Variants in GALNT13 observed in about 807,000 individuals in gnomAD.
The protein encoded by GALNT13 is UDP-GalNAc:polypeptide N-acetylgalactosaminyltransferase 13.
A neutral mutation model predicts 64.2 loss-of-function variants in GALNT13; 28 were observed. The observed-to-expected ratio is 0.44, with a 90% CI of 0.32 to 0.60. GALNT13 has a LOEUF of 0.60. Ranked by LOEUF, GALNT13 falls within the 20% of genes least tolerant of loss-of-function variation. The probability of loss-of-function intolerance (pLI) is 0.05; values close to 1 mark genes in which losing one functional copy is unlikely to be tolerated. For missense variants in GALNT13, 577 were observed against 669.8 expected (o/e 0.86, Z 1.53); for synonymous variants, 214 against 224.6 (o/e 0.95, Z 0.42).
At chr2:153,985,753 C>G (rs1320770659) in intron 3 of GALNT13, among the ~76,000 whole-genome samples, 1 of 151,974 alleles carries the variant, frequency 6.6e-6, no homozygotes, top group East Asian at 1.9e-4. Context: ...AAAACATGTC[C>G]TGACTGAAGG....
chr2:153,084,632 T>C, the GALNT13 span, among the ~76,000 whole-genome samples: 1 of 152,220 alleles, frequency 6.6e-6, no homozygotes, highest in African/African-American at 2.4e-5. Context: ...CTGATGGCTT[T>C]ATAAATGGGA....
intron 7 of GALNT13, among the ~76,000 whole-genome samples, chr2:154,254,685 G>C (rs2105894343): frequency 6.6e-6 from 1 of 152,298 alleles, no homozygotes; most frequent in Admixed American, 6.5e-5. Flanking sequence ...CATTAAAAGA[G>C]AGACAGATAA....
chr2:153,124,591 C>A, the GALNT13 span, among the ~76,000 whole-genome samples: 6 of 152,126 alleles, frequency 3.9e-5, no homozygotes, highest in African/African-American at 1.4e-4. Context: ...CTGCAACCTC[C>A]ACCTCCTGGG....
At chr2:154,331,511 G>T (rs886499592) in intron 9 of GALNT13, among the ~76,000 whole-genome samples, 1 of 151,708 alleles carries the variant, frequency 6.6e-6, no homozygotes, top group Non-Finnish European at 1.5e-5. Flanking sequence ...TCGCCATGTT[G>T]CTCAGGCTGG....
intron 3 of GALNT13, among the ~76,000 whole-genome samples, chr2:154,059,386 G>A (rs1163089382): frequency 6.6e-6 from 1 of 152,202 alleles, no homozygotes; most frequent in East Asian, 1.9e-4. Flanking sequence ...ATGGCTGCAA[G>A]GAGCGTGATA....
the GALNT13 span, among the ~76,000 whole-genome samples, chr2:153,849,547 GAAAC>G: frequency 3.3e-5 from 5 of 152,144 alleles, no homozygotes; most frequent in Non-Finnish European, 7.4e-5. Context: ...TGAGAAAGGG[GAAAC>G]AAACAAGATA....
At chr2:154,372,324 A>G (rs187951457) in intron 9 of GALNT13, among the ~76,000 whole-genome samples, 20 of 121,188 alleles carry the variant, frequency 1.7e-4, no homozygotes, top group Non-Finnish European at 3.2e-4. Flanking sequence ...AGACCTCAGC[A>G]TATGGAAGAA....
At chr2:153,982,351 T>A (rs1237954959) in intron 3 of GALNT13, among the ~76,000 whole-genome samples, 2 of 152,050 alleles carry the variant, frequency 1.3e-5, no homozygotes, top group Non-Finnish European at 2.9e-5. Flanking sequence ...AAGGGTGAAA[T>A]GAATTTCAAA....
At chr2:153,784,068 G>T in the GALNT13 span, among the ~76,000 whole-genome samples, 8 of 152,120 alleles carry the variant, frequency 5.3e-5, no homozygotes, top group Non-Finnish European at 1.2e-4. Context: ...GATTTTAACA[G>T]TTCAGAGGGC....
At chr2:154,099,906 C>G (rs999901336) in intron 3 of GALNT13, among the ~76,000 whole-genome samples, 1 of 152,094 alleles carries the variant, frequency 6.6e-6, no homozygotes, top group Non-Finnish European at 1.5e-5. Context: ...CCACTGCACT[C>G]CAGCCTGGGC....
At chr2:154,377,255 A>T (rs1698042064) in intron 9 of GALNT13, among the ~76,000 whole-genome samples, 1 of 150,056 alleles carries the variant, frequency 6.7e-6, no homozygotes. Flanking sequence ...ATTCAGTGAT[A>T]TCTTTTCTGG....
At chr2:153,552,191 C>T in the GALNT13 span, among the ~76,000 whole-genome samples, 1 of 152,044 alleles carries the variant, frequency 6.6e-6, no homozygotes, top group East Asian at 1.9e-4. Flanking sequence ...TGGGCAAATA[C>T]CTGTTTAAAT....
At chr2:153,872,985 A>G (rs895051) in intron 1 of GALNT13, among the ~76,000 whole-genome samples, 137,028 of 152,086 alleles carry the variant, frequency 0.9, 62,457 homozygotes, top group Middle Eastern at 0.95. Context: ...TTCTTGGGAT[A>G]TCTGTGTCCC....
the GALNT13 span, among the ~76,000 whole-genome samples, chr2:153,557,035 C>A: frequency 1.4e-4 from 22 of 152,000 alleles, no homozygotes; most frequent in Non-Finnish European, 2.6e-4. Flanking sequence ...ACAAATTTGA[C>A]CCCCCCTTCC....
the GALNT13 span, among the ~76,000 whole-genome samples, chr2:153,197,895 G>T: frequency 6.6e-6 from 1 of 152,070 alleles, no homozygotes; most frequent in South Asian, 2.1e-4. Context: ...TTGCTGTCAG[G>T]GATAGCAGCC....
At chr2:153,631,532 G>C in the GALNT13 span, among the ~76,000 whole-genome samples, 40 of 152,142 alleles carry the variant, frequency 2.6e-4, no homozygotes, top group African/African-American at 8.9e-4. Flanking sequence ...ATCTCATTGT[G>C]GTTTTGATTT....
chr2:154,230,443 CACA>C (rs1688856135), intron 4 of GALNT13, among the ~76,000 whole-genome samples: 1 of 151,902 alleles, frequency 6.6e-6, no homozygotes, highest in Non-Finnish European at 1.5e-5. Flanking sequence ...CAACAAAGGC[CACA>C]ACATTTACTT....
the GALNT13 span, among the ~76,000 whole-genome samples, chr2:153,387,019 G>A: frequency 6.6e-6 from 1 of 152,088 alleles, no homozygotes; most frequent in African/African-American, 2.4e-5. Context: ...TCTACTCACA[G>A]AAGTTATGAT....
At chr2:154,083,122 C>A (rs940497327) in intron 3 of GALNT13, among the ~76,000 whole-genome samples, 1 of 152,000 alleles carries the variant, frequency 6.6e-6, no homozygotes, top group Admixed American at 6.6e-5. Flanking sequence ...TTTCAGTTTT[C>A]TGCATATGGC....
Sources: gnomAD v4.1 joint callset for allele counts (sites outside exome capture counted in the v4.1 genomes callset) on GRCh38, gnomAD v4.1.1 for gene constraint, MANE v1.5 for transcripts, NCBI Gene and HGNC (gene_info 2026-07-23, HGNC 2026-07-21) for gene names.